FBXW10: variants seen among roughly 807,000 people sequenced by gnomAD.
FBXW10 encodes the protein F-box and WD repeat domain containing 10.
In FBXW10, 68 loss-of-function variants were observed where a neutral mutation model predicts 113.1. The observed-to-expected ratio is 0.60, with a 90% CI of 0.49 to 0.74. FBXW10 has a LOEUF of 0.74. Ranked by LOEUF, FBXW10 falls within the 30% of genes least tolerant of loss-of-function variation. The pLI, the probability that FBXW10 is intolerant of heterozygous loss-of-function variation, is 0.00. For synonymous variants in FBXW10, 289 were observed against 481.6 expected (o/e 0.60, Z 5.24); for missense variants, 753 against 1,284.5 (o/e 0.59, Z 6.32).
chr17:18,761,323 T>C (rs981257126), intron 7 of FBXW10, among the ~76,000 whole-genome samples: 1 of 151,894 alleles, frequency 6.6e-6, no homozygotes, highest in Non-Finnish European at 1.5e-5. Context: ...TAGAGTGCAG[T>C]GGCGCGATCT....
chr17:18,764,962 T>C, intron 8 of FBXW10, 99 bp downstream of exon 8: 1 of 1,610,086 alleles, frequency 6.2e-7, no homozygotes, highest in Non-Finnish European at 8.5e-7. Flanking sequence ...GGCAGTCATT[T>C]ATTCTTTATC....
In FBXW10 at chr17:18,778,967, C is replaced by G. The variant is rs776045350; in HGVS notation, c.2828C>G (p.Thr943Ser). The stretch of plus-strand genomic sequence containing the variant: ...GCTGTGTGCAGTACGGGTCCCCTGA[C>G]CAGTATGCAGGTCATTAAACCAAAC... ...ERAVCSTGPL[T>S]SMQVIKPNRM... Residue 943 changes from threonine (T) to serine (S), a missense_variant, in exon 14 of 14, where the codon ACC (threonine) becomes AGC (serine). Transcript: ENST00000395665. The G allele has an allele frequency of 2.0e-5, 32 of 1,607,388 alleles. No homozygotes were observed. In the South Asian group the frequency reaches 3.1e-4, roughly 15 times the overall value.
intron 1 of FBXW10, chr17:18,745,362 C>T: frequency 1.8e-6 from 1 of 546,030 alleles, no homozygotes; most frequent in Non-Finnish European, 2.3e-6. Flanking sequence ...AAAACAAGCT[C>T]CTCCCCCAGA....
chr17:18,750,616 TTTTGGTAACTTGGA>T (rs2035148072), intron 4 of FBXW10, among the ~76,000 whole-genome samples: 1 of 116,614 alleles, frequency 8.6e-6, no homozygotes, highest in Non-Finnish European at 1.9e-5. Context: ...AAACCATGGA[TTTTGGTAACTTGGA>T]TTTTTTTTCC....
intron 7 of FBXW10, among the ~76,000 whole-genome samples, chr17:18,760,737 C>G (rs1038132784): frequency 2.0e-5 from 3 of 151,686 alleles, no homozygotes; most frequent in African/African-American, 4.8e-5. Flanking sequence ...CTGGGAGGTG[C>G]CACTGCACTC....
At chr17:18,756,544 C>G (rs2035269063) in intron 6 of FBXW10, among the ~76,000 whole-genome samples, 1 of 151,860 alleles carries the variant, frequency 6.6e-6, no homozygotes, top group African/African-American at 2.4e-5. Context: ...TATCACCTAG[C>G]AATAACCACC....
At chr17:18,773,329 C>A (rs1486218970) in intron 12 of FBXW10, among the ~76,000 whole-genome samples, 1 of 152,078 alleles carries the variant, frequency 6.6e-6, no homozygotes. Context: ...GCAACCAATA[C>A]CCCCACCCCC....
In FBXW10 at chr17:18,777,246, T is replaced by C. The variant is rs544863050; in HGVS notation, c.2336-1229T>C. Among the ~76,000 whole-genome samples, 5 of 151,824 alleles carry C rather than the reference T, an allele frequency of 3.3e-5. No individual in the cohort carries two copies. In the South Asian group the frequency reaches 1.0e-3, roughly 32 times the overall value. On this transcript the variant is annotated intron_variant, in intron 13 of 13. Transcript: ENST00000395665. ...CCGGCTAATTTTTTTGTATTTTTAG[T>C]ACAGACGGGTTTTCTCCATGTTGGT...
chr17:18,772,337 G>A (rs935169817), intron 11 of FBXW10, 75 bp from the exon 12 acceptor site: 3 of 1,378,688 alleles, frequency 2.2e-6, no homozygotes, highest in African/African-American at 1.4e-5. Context: ...AAGACCAGGT[G>A]GGATGGTAAC....
At chr17:18,762,407 T>A (rs2035404232) in intron 7 of FBXW10, among the ~76,000 whole-genome samples, 1 of 148,836 alleles carries the variant, frequency 6.7e-6, no homozygotes, top group African/African-American at 2.5e-5. Context: ...AACCTCCGAC[T>A]CCCTGATTCA....
At chr17:18,769,368 A>T (rs1452836046) in intron 10 of FBXW10, 2 of 153,036 alleles carry the variant, frequency 1.3e-5, no homozygotes, top group African/African-American at 4.8e-5. Context: ...AGATTGTGAC[A>T]TCAGCCTTTT....
Position 18,770,161 on chromosome 17 carries a change from C to T in FBXW10, c.2006+76C>T, listed in dbSNP as rs562742170. 233 of 1,598,170 alleles carry T rather than the reference C, an allele frequency of 1.5e-4. 1 individual carries two copies. Among genetic ancestry groups the T allele is most frequent in the South Asian group, 4.3e-4 (39 of 89,818 alleles). On this transcript the variant is annotated intron_variant, in intron 11 of 13. Coordinates refer to ENST00000395665, the MANE Select transcript of FBXW10 (RefSeq NM_001267585.2). ...TTGATTTTTTTCCTCCCCTGGGATA[C>T]CAGCCCTGGATTTGCTGTCAGGAGG...
At position 18,744,785 on chromosome 17, in the gene FBXW10, C is replaced by T. The variant is rs765244687; in HGVS notation, c.505+36C>T. The T allele has an allele frequency of 1.9e-5, 31 of 1,597,996 alleles. No homozygotes were observed. The South Asian group carries it at 2.5e-4, about 13-fold the overall frequency. On this transcript the variant is annotated intron_variant, in intron 1 of 13. Transcript: ENST00000395665. ...CCACAGGCAGAGACTAGAGGGCCCC[C>T]GAAGACCAGAAGGCAAGGCTTCAGA...
chr17:18,770,305 A>AT (rs2035587599), intron 11 of FBXW10, among the ~76,000 whole-genome samples: 2 of 69,290 alleles, frequency 2.9e-5, no homozygotes, highest in African/African-American at 9.8e-5. Flanking sequence ...GTTCATTTTG[A>AT]CTTTTTTTTT....
intron 7 of FBXW10, among the ~76,000 whole-genome samples, chr17:18,758,955 C>T (rs909353907): frequency 2.0e-5 from 3 of 152,026 alleles, no homozygotes; most frequent in African/African-American, 7.3e-5. Context: ...GTCACGAGGT[C>T]AGGAAATCAA....
In FBXW10 at chr17:18,771,067, A is replaced by G. The variant is rs572216942; in HGVS notation, c.2006+982A>G. ...CCATCTTAAAGAGGGCAGCCTGGTA[A>G]TAAGGCTCAATTAATGAACACTTTT... On this transcript the variant is annotated intron_variant, in intron 11 of 13. Transcript: ENST00000395665. 3.9e-5 allele frequency among the ~76,000 whole-genome samples: 6 copies of G among 152,146 alleles called. No homozygotes were observed. In the East Asian group the frequency reaches 5.8e-4, roughly 15 times the overall value.
chr17:18,771,906 G>A (rs1046259111), intron 11 of FBXW10, among the ~76,000 whole-genome samples: 4 of 152,064 alleles, frequency 2.6e-5, no homozygotes, highest in Non-Finnish European at 5.9e-5. Flanking sequence ...CCTGGAGTTT[G>A]AGCCCAGCCT....
At chr17:18,749,365 C>T (rs1344420448) in intron 2 of FBXW10, among the ~76,000 whole-genome samples, 2 of 110,494 alleles carry the variant, frequency 1.8e-5, no homozygotes, top group Non-Finnish European at 3.8e-5. Flanking sequence ...GGTGAAACCC[C>T]GCCTCTACTA....
At chr17:18,757,561 C>T (rs189284671) in intron 6 of FBXW10, among the ~76,000 whole-genome samples, 32 of 152,292 alleles carry the variant, frequency 2.1e-4, no homozygotes, top group African/African-American at 7.7e-4. Flanking sequence ...GTAGGAGGAT[C>T]GCTTGAGGCC....
Sources: gnomAD v4.1 joint callset for allele counts (sites outside exome capture counted in the v4.1 genomes callset) on GRCh38, gnomAD v4.1.1 for gene constraint, MANE v1.5 for transcripts, NCBI Gene and HGNC (gene_info 2026-07-23, HGNC 2026-07-21) for gene names.